Variants in HNRNPH2 observed in about 807,000 individuals in gnomAD.
The protein encoded by HNRNPH2 is FTP-3.
For missense variants in HNRNPH2, 115 were observed against 352.9 expected (o/e 0.33, Z 5.40); for synonymous variants, 128 against 128.2 (o/e 1.00, Z 0.01).
intron 1 of HNRNPH2, among the ~76,000 whole-genome samples, chrX:101,409,887 G>A (rs782495558): frequency 9.0e-6 from 1 of 111,703 alleles, no homozygotes; most frequent in East Asian, 2.8e-4. Context: ...CCAGTTTAAG[G>A]ATAAAGTATA....
rs906910468 is a variant in HNRNPH2, at chrX:101,410,998, C to T, written c.-53-938C>T. Among the ~76,000 whole-genome samples the T allele has an allele frequency of 6.3e-5, 7 of 111,863 alleles. No homozygotes were observed. The South Asian group carries it at 1.1e-3, about 18-fold the overall frequency. On this transcript the variant is annotated intron_variant, in intron 1 of 1. Coordinates refer to ENST00000316594, the MANE Select transcript of HNRNPH2 (RefSeq NM_019597.5). The stretch of plus-strand genomic sequence containing the variant: ...CCTCTTTGATACTATGCTTACACTC[C>T]ACTCAGAGGGTCATGGCAAGTATAA...
Position 101,413,349 on chromosome X carries a change from A to G in HNRNPH2, c.*11A>G, listed in dbSNP as rs782485100. 1 of 1,141,180 alleles carries G rather than the reference A, an allele frequency of 8.8e-7. No homozygotes were observed. The highest frequency in any genetic ancestry group is 1.2e-6 in the Non-Finnish European group (1 of 856,822). The allele number at this position is 1,141,180 out of a possible 1,213,427, so 94.0% of individuals were successfully genotyped here. A position where few individuals can be genotyped will look rare whatever the true frequency, so the allele number is the denominator to read the frequency against. ...TCAAACCTTGCTTAGGTAGAGAAGG[A>G]GCACTAAATAGCTACTCCAGATATA... On this transcript the variant is annotated 3_prime_UTR_variant, in exon 2 of 2. Coordinates refer to ENST00000316594, the MANE Select transcript of HNRNPH2 (RefSeq NM_019597.5).
chrX:101,410,765 G>A (rs931509361), intron 1 of HNRNPH2, among the ~76,000 whole-genome samples: 3 of 111,393 alleles, frequency 2.7e-5, no homozygotes, highest in Admixed American at 9.6e-5. Context: ...CATACTCCCC[G>A]GTTTAAAAGT....
Position 101,408,259 on chromosome X carries a change from C to G in HNRNPH2, c.-114C>G, listed in dbSNP as rs782339963. 1.4e-5 allele frequency: 4 copies of G among 291,786 alleles called. No individual in the cohort carries two copies. Among genetic ancestry groups the G allele is most frequent in the Non-Finnish European group, 2.5e-5 (4 of 160,582 alleles). The allele number at this position is 291,786 out of a possible 1,213,427, so 24.0% of individuals were successfully genotyped here. On this transcript the variant is annotated 5_prime_UTR_variant, in exon 1 of 2. Coordinates refer to ENST00000316594, the MANE Select transcript of HNRNPH2 (RefSeq NM_019597.5). ...GAGCAGAAGTAGTTCTGGTCGTCGT[C>G]TACCGTCTCGCTATAGCCGTTTGAG...
chrX:101,410,976 C>G (rs1272896161), intron 1 of HNRNPH2, among the ~76,000 whole-genome samples: 1 of 111,673 alleles, frequency 9.0e-6, no homozygotes, highest in Non-Finnish European at 1.9e-5. Context: ...ACTAGTCCCT[C>G]TTTGATACTA....
chrX:101,412,693 C>T lies in HNRNPH2; in HGVS notation c.705C>T (p.Ala235=). The part of the protein sequence containing the change: ...GAGFERMRRG[A]YGGGYGGYDD... ...GGTTTGAAAGGATGAGGCGTGGTGC[C>T]TATGGTGGAGGGTATGGAGGCTATG... The change falls in exon 2 of 2, where the codon GCC becomes GCT. Residue 235 remains alanine, a synonymous_variant. Transcript: ENST00000316594. The T allele has an allele frequency of 1.7e-6, 2 of 1,211,055 alleles. No individual in the cohort carries two copies. The highest frequency in any genetic ancestry group is 2.2e-6 in the Non-Finnish European group (2 of 895,019).
Position 101,413,944 on chromosome X carries a change from CT to C in HNRNPH2, c.*619del, listed in dbSNP as rs1195711727. The C allele has an allele frequency of 3.8e-3, 412 of 108,161 alleles. No homozygotes were observed. Among genetic ancestry groups the C allele is most frequent in the East Asian group, 9.3e-4 (3 of 3,231 alleles). 8.9% of individuals were successfully genotyped at this position (108,161 alleles called of 1,213,427 possible). On this transcript the variant is annotated 3_prime_UTR_variant, in exon 2 of 2. Coordinates refer to ENST00000316594, the MANE Select transcript of HNRNPH2 (RefSeq NM_019597.5). The stretch of plus-strand genomic sequence containing the variant: ...ATCCTGTAAGGCACGTGAGTGTACA[CT>C]TTTTTTTTTTTTAAGGATACGGGAC...
Position 101,414,034 on chromosome X carries a change from G to A in HNRNPH2, c.*696G>A, listed in dbSNP as rs782021471. The A allele has an allele frequency of 8.3e-6, 1 of 120,985 alleles. No homozygotes were observed. The highest frequency in any genetic ancestry group is 3.3e-5 in the African/African-American group (1 of 30,187). The allele number at this position is 120,985 out of a possible 1,213,427, so 10.0% of individuals were successfully genotyped here. A position where few individuals can be genotyped will look rare whatever the true frequency, so the allele number is the denominator to read the frequency against. Reference sequence around the variant, plus strand: ...CGTGTCGTTTGTATGAAAATCTGAGGCTTTGGTTTAAATCTTTCCTTGTAT... The same window carrying A: ...CGTGTCGTTTGTATGAAAATCTGAGACTTTGGTTTAAATCTTTCCTTGTAT... On this transcript the variant is annotated 3_prime_UTR_variant, in exon 2 of 2. Transcript: ENST00000316594.
chrX:101,413,989 C>G lies in HNRNPH2; in HGVS notation c.*651C>G, dbSNP rs2147496209. The G allele has an allele frequency of 1.7e-5, 2 of 119,843 alleles. No individual in the cohort carries two copies. The highest frequency in any genetic ancestry group is 5.7e-4 in the East Asian group (2 of 3,482). 9.9% of individuals were successfully genotyped at this position (119,843 alleles called of 1,213,427 possible). On this transcript the variant is annotated 3_prime_UTR_variant, in exon 2 of 2. Coordinates refer to ENST00000316594, the MANE Select transcript of HNRNPH2 (RefSeq NM_019597.5). ...ACGGGACAATTTTAAGATGTAATAC[C>G]AATACTTTAGAAGTTTGGTCGTGTC...
chrX:101,412,292 C>A lies in HNRNPH2; in HGVS notation c.304C>A (p.Pro102Thr). Residue 102 changes from proline (P) to threonine (T), a missense_variant, in exon 2 of 2, where the codon CCG becomes ACG. Transcript: ENST00000316594. ...GGATTGGGTGTTGAAGCATACAGGT[C>A]CGAATAGCCCTGATACTGCCAACGA... ...EMDWVLKHTG[P>T]NSPDTANDGF... The A allele has an allele frequency of 8.3e-7, 1 of 1,210,512 alleles. No homozygotes were observed. The highest frequency in any genetic ancestry group is 1.1e-6 in the Non-Finnish European group (1 of 894,595).
intron 1 of HNRNPH2, 23 bp from the exon 2 acceptor site, chrX:101,411,913 A>T: frequency 9.0e-7 from 1 of 1,116,666 alleles, no homozygotes; most frequent in Admixed American, 3.1e-5. Context: ...CCATGACAGT[A>T]GTCTTCTTTT....
At chrX:101,409,510 T>G (rs1027331525) in intron 1 of HNRNPH2, among the ~76,000 whole-genome samples, 2 of 112,367 alleles carry the variant, frequency 1.8e-5, no homozygotes, top group Non-Finnish European at 3.7e-5. Context: ...TCTGTAGAAA[T>G]TTAAGGCTGC....
At position 101,413,366 on chromosome X, in the gene HNRNPH2, C is replaced by G. The variant is rs1555988596; in HGVS notation, c.*28C>G. ...AGAGAAGGAGCACTAAATAGCTACT[C>G]CAGATATAAAAGCTGTACATTTGTG... is the stretch of plus-strand genomic sequence containing the variant. On this transcript the variant is annotated 3_prime_UTR_variant, in exon 2 of 2. Coordinates refer to ENST00000316594, the MANE Select transcript of HNRNPH2 (RefSeq NM_019597.5). 8.9e-7 allele frequency: 1 copy of G among 1,117,838 alleles called. No homozygotes were observed. Among genetic ancestry groups the G allele is most frequent in the East Asian group, 3.0e-5 (1 of 33,205 alleles). 92.1% of individuals were successfully genotyped at this position (1,117,838 alleles called of 1,213,427 possible).
intron 1 of HNRNPH2, among the ~76,000 whole-genome samples, chrX:101,411,561 C>G (rs1928802917): frequency 9.3e-6 from 1 of 107,852 alleles, no homozygotes; most frequent in Non-Finnish European, 1.9e-5. Flanking sequence ...TTACAGGCAC[C>G]TGCCACCACG....
chrX:101,413,329 C>T lies in HNRNPH2; in HGVS notation c.1341C>T (p.Asn447=). The part of the protein sequence containing the change: ...LQENSSDYQS[N]LA ...AAAACTCCAGTGACTATCAGTCAAA[C>T]CTTGCTTAGGTAGAGAAGGAGCACT... The change falls in exon 2 of 2, where the codon AAC becomes AAT. Residue 447 remains asparagine, a synonymous_variant. Coordinates refer to ENST00000316594, the MANE Select transcript of HNRNPH2 (RefSeq NM_019597.5). 12 of 1,173,480 alleles carry T rather than the reference C, an allele frequency of 1.0e-5. No individual in the cohort carries two copies. Among genetic ancestry groups the T allele is most frequent in the Non-Finnish European group, 1.3e-5 (11 of 877,067 alleles).
rs183920503 is a variant in HNRNPH2 at position 101,411,477 on chromosome X, G to A, written c.-53-459G>A. The stretch of plus-strand genomic sequence containing the variant: ...GTCGCTGAGGCTGGAGTGCAGTGGC[G>A]TGATCTTGGCTCACCTCCACCTCCT... On this transcript the variant is annotated intron_variant, in intron 1 of 1. Transcript: ENST00000316594. Among the ~76,000 whole-genome samples, 216 of 93,010 alleles carry A rather than the reference G, an allele frequency of 2.3e-3. 1 individual carries two copies. Among genetic ancestry groups the A allele is most frequent in the Middle Eastern group, 6.3e-3 (1 of 159 alleles). 80.8% of individuals were successfully genotyped at this position (93,010 alleles called of 115,157 possible). A position where few individuals can be genotyped will look rare whatever the true frequency, so the allele number is the denominator to read the frequency against.
chrX:101,413,099 G>A lies in HNRNPH2; in HGVS notation c.1111G>A (p.Ala371Thr), dbSNP rs782212796. Residue 371 changes from alanine to threonine, a missense_variant, in exon 2 of 2, where the codon GCT (alanine) becomes ACT (threonine). Coordinates refer to ENST00000316594, the MANE Select transcript of HNRNPH2 (RefSeq NM_019597.5). ...TTCTACTGCAGGAACAAGTGGGGGT[G>A]CTTACGATCACAGCTATGTAGAACT... ...LNSTAGTSGGAYDHSYVELFL... is the reference protein window; with the variant it reads ...LNSTAGTSGGTYDHSYVELFL... 2 of 1,211,820 alleles carry A rather than the reference G, an allele frequency of 1.7e-6. No homozygotes were observed. Among genetic ancestry groups the A allele is most frequent in the Non-Finnish European group, 2.2e-6 (2 of 895,416 alleles).
Position 101,412,257 on chromosome X carries a change from G to A in HNRNPH2, c.269G>A (p.Ser90Asn). ...TACGTTGAAGTATTCAAGTCTAACA[G>A]TGTTGAAATGGATTGGGTGTTGAAG... ...HRYVEVFKSNSVEMDWVLKHT... is the reference protein window; with the variant it reads ...HRYVEVFKSNNVEMDWVLKHT... Residue 90 changes from serine to asparagine, a missense_variant, in exon 2 of 2, where the codon AGT (serine) becomes AAT (asparagine). Transcript: ENST00000316594. The A allele has an allele frequency of 8.3e-7, 1 of 1,211,974 alleles. No homozygotes were observed. Among genetic ancestry groups the A allele is most frequent in the Non-Finnish European group, 1.1e-6 (1 of 895,399 alleles).
At chrX:101,410,388 A>G (rs1302451954) in intron 1 of HNRNPH2, among the ~76,000 whole-genome samples, 5 of 112,299 alleles carry the variant, frequency 4.5e-5, no homozygotes, top group Non-Finnish European at 9.4e-5. Flanking sequence ...ACTGCATAGC[A>G]CTGATTTACT....
Sources: allele counts gnomAD v4.1 joint callset (sites outside exome capture counted in the v4.1 genomes callset), GRCh38; gene constraint gnomAD v4.1.1; transcripts MANE v1.5; gene names NCBI Gene and HGNC (gene_info 2026-07-23, HGNC 2026-07-21).